Variants in LIPA observed in about 807,000 individuals in gnomAD.
The protein encoded by LIPA is lysosomal acid lipase/cholesteryl ester hydrolase.
A neutral mutation model predicts 40.6 loss-of-function variants in LIPA; 26 were observed. The ratio of observed to expected loss-of-function variants is 0.64; its 90% CI spans 0.47 to 0.89. The LOEUF is 0.89. Among genes scored for constraint, LIPA ranks in the 40% least tolerant of loss-of-function variants. The pLI is 0.00. For missense variants in LIPA, 455 were observed against 479.6 expected (o/e 0.95, Z 0.48); for synonymous variants, 188 against 168.4 (o/e 1.12, Z -0.90).
At chr10:89,232,973 G>A (rs987041561) in intron 3 of LIPA, among the ~76,000 whole-genome samples, 7 of 152,224 alleles carry the variant, frequency 4.6e-5, no homozygotes, top group African/African-American at 1.2e-4. Flanking sequence ...AGGAGACCAC[G>A]CCTAAGGTGG....
At chr10:89,305,737 C>G (rs938804551) in intron 1 of LIPA, among the ~76,000 whole-genome samples, 1 of 152,098 alleles carries the variant, frequency 6.6e-6, no homozygotes, top group Non-Finnish European at 1.5e-5. Context: ...AGAGAACAAC[C>G]CACTGCCCTC....
intron 1 of LIPA, among the ~76,000 whole-genome samples, chr10:89,300,701 C>T (rs866322260): frequency 1.1e-4 from 17 of 152,118 alleles, no homozygotes; most frequent in African/African-American, 4.1e-4. Flanking sequence ...TTGAAATTTC[C>T]CCTGGCCGGG....
chr10:89,254,661 T>C (rs1268158609), upstream of LIPA, among the ~76,000 whole-genome samples: 1 of 152,184 alleles, frequency 6.6e-6, no homozygotes, highest in Admixed American at 6.5e-5. Flanking sequence ...GCTCAGAAAA[T>C]GGGTTTTTCT....
intron 1 of LIPA, among the ~76,000 whole-genome samples, chr10:89,311,807 T>C (rs1375282901): frequency 6.6e-6 from 1 of 152,234 alleles, no homozygotes; most frequent in African/African-American, 2.4e-5. Flanking sequence ...TTTCAGCATC[T>C]TCACCAATAC....
chr10:89,344,005 C>G (rs549655003), upstream of LIPA, among the ~76,000 whole-genome samples: 1 of 152,302 alleles, frequency 6.6e-6, no homozygotes, highest in South Asian at 2.1e-4. Flanking sequence ...AACCTCACCT[C>G]CACCACTTAG....
intron 1 of LIPA, among the ~76,000 whole-genome samples, chr10:89,321,570 C>G (rs1454617623): frequency 6.6e-6 from 1 of 152,172 alleles, no homozygotes; most frequent in African/African-American, 2.4e-5. Flanking sequence ...TCAGTAACAA[C>G]AGGTGCTAGA....
At chr10:89,394,179 G>GTACTA (rs1844299676) in intron 2 of LIPA, among the ~76,000 whole-genome samples, 1 of 152,152 alleles carries the variant, frequency 6.6e-6, no homozygotes, top group African/African-American at 2.4e-5. Context: ...TTACTGTACT[G>GTACTA]AATACTGTAG....
intron 2 of LIPA, among the ~76,000 whole-genome samples, chr10:89,389,704 A>G (rs76934659): frequency 1.3e-3 from 197 of 152,330 alleles, no homozygotes; most frequent in Non-Finnish European, 2.2e-3. Context: ...TTTTTAAAAA[A>G]TACACTCAGA....
upstream of LIPA, among the ~76,000 whole-genome samples, chr10:89,345,057 C>G (rs1197154138): frequency 6.6e-6 from 1 of 151,266 alleles, no homozygotes; most frequent in Non-Finnish European, 1.5e-5. Flanking sequence ...ATCCCAGCCA[C>G]TTGGGAGTCT....
intron 1 of LIPA, chr10:89,338,650 T>C: frequency 1.2e-6 from 2 of 1,603,310 alleles, no homozygotes; most frequent in Non-Finnish European, 1.7e-6. Flanking sequence ...CCATGTTTAT[T>C]TTCTCCACAG....
rs1281201185 is a variant in LIPA at position 89,215,081 on chromosome 10, G to C, written c.967-20C>G. ...ATAACTCTACAATGAAAAGGAACCA[G>C]AGAAAGCCTCGTTGTTGTTGTTGTT... On this transcript the variant is annotated intron_variant, in intron 9 of 9. Transcript: ENST00000336233. 3 of 1,534,380 alleles carry C rather than the reference G, an allele frequency of 2.0e-6. No homozygotes were observed. Among genetic ancestry groups the C allele is most frequent in the East Asian group, 4.5e-5 (2 of 44,468 alleles).
In LIPA at chr10:89,232,728, C is replaced by G. The variant is rs987093809; in HGVS notation, c.230-4330G>C. Among the ~76,000 whole-genome samples the G allele has an allele frequency of 1.3e-4, 20 of 152,292 alleles. 1 individual carries two copies. The highest frequency in any genetic ancestry group is 4.8e-4 in the African/African-American group (20 of 41,562). ...CAGGACTCAGCTCCCCACCTTCTCT[C>G]GATGGAGAATGTTTAAAATTTCCCT... On this transcript the variant is annotated intron_variant, in intron 3 of 9. Coordinates refer to ENST00000336233, the MANE Select transcript of LIPA (RefSeq NM_000235.4).
chr10:89,369,205 C>T (rs1844078776), intron 2 of LIPA, among the ~76,000 whole-genome samples: 1 of 152,180 alleles, frequency 6.6e-6, no homozygotes, highest in Non-Finnish European at 1.5e-5. Flanking sequence ...AGCATTCACT[C>T]CAAGCTCAGG....
At chr10:89,328,056 G>A in intron 1 of LIPA, 1 of 1,613,968 alleles carries the variant, frequency 6.2e-7, no homozygotes, top group Non-Finnish European at 8.5e-7. Context: ...CGGAACAGCA[G>A]AGACACAGAG....
At chr10:89,297,372 C>T (rs1185757901) in intron 1 of LIPA, among the ~76,000 whole-genome samples, 1 of 152,098 alleles carries the variant, frequency 6.6e-6, no homozygotes, top group Non-Finnish European at 1.5e-5. Flanking sequence ...AAGACCTAAG[C>T]GGCACCATTG....
At chr10:89,293,616 T>C (rs1843389765) in intron 1 of LIPA, 1 of 152,104 alleles carries the variant, frequency 6.6e-6, no homozygotes, top group Non-Finnish European at 1.5e-5. Context: ...GTGAGACCTC[T>C]CTTCCTGACC....
intron 1 of LIPA, among the ~76,000 whole-genome samples, chr10:89,335,995 G>A (rs12248331): frequency 0.24 from 36,265 of 151,996 alleles, 4,561 homozygotes; most frequent in African/African-American, 0.29. Flanking sequence ...AACCCCTAGG[G>A]CCAGGTGTGG....
chr10:89,265,601 T>C (rs942874655), intron 1 of LIPA, among the ~76,000 whole-genome samples: 20 of 152,256 alleles, frequency 1.3e-4, no homozygotes, highest in Non-Finnish European at 2.2e-4. Flanking sequence ...TTTTAAAATG[T>C]TGTTCATAGG....
rs1589641805 is a variant in LIPA at position 89,403,968 on chromosome 10, A to C, written c.61+8823T>G. 12 of 348,418 alleles carry C rather than the reference A, an allele frequency of 3.4e-5. No individual in the cohort carries two copies. The East Asian group carries it at 5.6e-4, about 16-fold the overall frequency. 21.6% of individuals were successfully genotyped at this position (348,418 alleles called of 1,614,324 possible). A position where few individuals can be genotyped will look rare whatever the true frequency, so the allele number is the denominator to read the frequency against. On this transcript the variant is annotated intron_variant, in intron 2 of 8. Transcript: ENST00000371837. ...ATGTTAGTTAACTTTGTAGGAAATA[A>C]AACATTGGACTTACACTAAATGTTT...
Sources: allele counts gnomAD v4.1 joint callset (sites outside exome capture counted in the v4.1 genomes callset), GRCh38; gene constraint gnomAD v4.1.1; transcripts MANE v1.5; gene names NCBI Gene and HGNC (gene_info 2026-07-23, HGNC 2026-07-21).